PRKG1: variants seen among roughly 807,000 people sequenced by gnomAD.
PRKG1 encodes protein kinase cGMP-dependent 1.
In PRKG1, 35 loss-of-function variants were observed where a neutral mutation model predicts 88.1. The observed-to-expected ratio is 0.40, with a 90% CI of 0.30 to 0.53. The LOEUF is 0.53. Among genes scored for constraint, PRKG1 ranks in the 20% least tolerant of loss-of-function variants. The pLI, the probability that PRKG1 is intolerant of heterozygous loss-of-function variation, is 0.59. For synonymous variants in PRKG1, 303 were observed against 292.5 expected (o/e 1.04, Z -0.37); for missense variants, 540 against 839.8 (o/e 0.64, Z 4.41).
chr10:51,605,356 T>G (rs1323751995), intron 3 of PRKG1, among the ~76,000 whole-genome samples: 1 of 152,186 alleles, frequency 6.6e-6, no homozygotes, highest in Admixed American at 6.5e-5. Flanking sequence ...GGGGCCCTCA[T>G]TAGGGCTCCC....
intron 5 of PRKG1, among the ~76,000 whole-genome samples, chr10:52,030,189 T>C (rs1385608841): frequency 6.6e-6 from 1 of 152,192 alleles, no homozygotes; most frequent in Non-Finnish European, 1.5e-5. Context: ...TTAGTAATAC[T>C]GAGAAGTTTG....
intron 7 of PRKG1, among the ~76,000 whole-genome samples, chr10:52,084,653 T>C (rs1846866079): frequency 6.6e-6 from 1 of 152,082 alleles, no homozygotes; most frequent in Non-Finnish European, 1.5e-5. Flanking sequence ...TTCTCCCTAA[T>C]GTCCCAATAT....
chr10:51,715,365 G>A (rs1841860500), intron 3 of PRKG1, among the ~76,000 whole-genome samples: 1 of 152,130 alleles, frequency 6.6e-6, no homozygotes, highest in South Asian at 2.1e-4. Flanking sequence ...ATAGAATGAA[G>A]ATACCTGGGT....
chr10:51,590,550 G>C (rs763331825), intron 3 of PRKG1, among the ~76,000 whole-genome samples: 23 of 151,960 alleles, frequency 1.5e-4, no homozygotes, highest in Admixed American at 5.9e-4. Context: ...CAAGAAAAAA[G>C]GTTCCTCTTT....
chr10:51,456,819 C>T (rs1449982622), intron 2 of PRKG1, among the ~76,000 whole-genome samples: 2 of 152,016 alleles, frequency 1.3e-5, no homozygotes, highest in Middle Eastern at 3.2e-3. Context: ...TACACTCTGC[C>T]AACAAACATG....
chr10:52,156,797 G>A (rs1838118833), intron 8 of PRKG1, among the ~76,000 whole-genome samples: 1 of 151,728 alleles, frequency 6.6e-6, no homozygotes, highest in Non-Finnish European at 1.5e-5. Flanking sequence ...GCTTAGCTAA[G>A]TAAAACGTCT....
intron 2 of PRKG1, among the ~76,000 whole-genome samples, chr10:51,281,982 C>A (rs936898198): frequency 3.9e-5 from 6 of 152,156 alleles, no homozygotes; most frequent in African/African-American, 1.4e-4. Context: ...ATATGTTTAA[C>A]AATCTCCCCA....
chr10:51,788,922 C>A (rs1042477309), intron 3 of PRKG1, among the ~76,000 whole-genome samples: 1 of 152,076 alleles, frequency 6.6e-6, no homozygotes, highest in African/African-American at 2.4e-5. Context: ...TGGCTTCTGG[C>A]ATATGTACAC....
At chr10:51,951,557 T>C (rs941210301) in intron 5 of PRKG1, among the ~76,000 whole-genome samples, 22 of 152,212 alleles carry the variant, frequency 1.4e-4, no homozygotes, top group Non-Finnish European at 3.1e-4. Flanking sequence ...TATTTTCACT[T>C]ATGAGTTTAT....
At chr10:51,986,867 C>T (rs12257861) in intron 5 of PRKG1, among the ~76,000 whole-genome samples, 31,748 of 152,072 alleles carry the variant, frequency 0.21, 3,978 homozygotes, top group Non-Finnish European at 0.28. Context: ...GGAAAAAATA[C>T]GCTTCTATCT....
chr10:52,206,632 G>A (rs1839826684), intron 9 of PRKG1, among the ~76,000 whole-genome samples: 1 of 152,180 alleles, frequency 6.6e-6, no homozygotes, highest in Non-Finnish European at 1.5e-5. Context: ...TTTAATCGTG[G>A]TATAAGATGG....
intron 3 of PRKG1, among the ~76,000 whole-genome samples, chr10:51,578,499 C>T (rs886887660): frequency 1.2e-4 from 19 of 152,170 alleles, no homozygotes; most frequent in African/African-American, 4.3e-4. Context: ...TATAGAGAAA[C>T]AACCTATAAT....
intron 3 of PRKG1, among the ~76,000 whole-genome samples, chr10:51,737,334 C>T (rs1339077805): frequency 6.6e-6 from 1 of 152,200 alleles, no homozygotes; most frequent in Middle Eastern, 3.2e-3. Context: ...TTCTAAAGAG[C>T]GTGTCTCTGC....
chr10:51,272,504 G>GT lies in PRKG1; in HGVS notation c.478+119185dup, dbSNP rs77396027. 9.5e-3 allele frequency among the ~76,000 whole-genome samples: 1,391 copies of GT among 146,486 alleles called. 7 individuals are homozygous for GT. Among genetic ancestry groups the GT allele is most frequent in the East Asian group, 0.026 (133 of 5,032 alleles). ...CATGTATCCCAGAACTTAAAGTTTT[G>GT]TTTTTTTTTTTAAGTAGTTTGGGTT... On this transcript the variant is annotated intron_variant, in intron 2 of 17. Coordinates refer to ENST00000373980, the MANE Select transcript of PRKG1 (RefSeq NM_006258.4).
intron 3 of PRKG1, among the ~76,000 whole-genome samples, chr10:51,526,161 T>C (rs1296150116): frequency 6.6e-6 from 1 of 152,132 alleles, no homozygotes; most frequent in African/African-American, 2.4e-5. Context: ...TTAGCTTTAA[T>C]TGAGGGGTGC....
At chr10:52,181,096 G>A (rs1839013365) in intron 9 of PRKG1, among the ~76,000 whole-genome samples, 1 of 152,188 alleles carries the variant, frequency 6.6e-6, no homozygotes, top group Non-Finnish European at 1.5e-5. Context: ...ACAGTTGCTT[G>A]TCCAACCTGG....
rs1842379728 is a variant in PRKG1, at chr10:52,296,242, C to T, written c.*2342C>T. ...TTAGCACTTGCTATGGATTTTGGAA[C>T]TATGGTTCAAGTCTAAGACAACCAA... On this transcript the variant is annotated 3_prime_UTR_variant, in exon 18 of 18. Coordinates refer to ENST00000373980, the MANE Select transcript of PRKG1 (RefSeq NM_006258.4). The T allele has an allele frequency of 1.3e-5, 2 of 152,034 alleles. No homozygotes were observed. Among genetic ancestry groups the T allele is most frequent in the Admixed American group, 1.3e-4 (2 of 15,246 alleles). The allele number at this position is 152,034 out of a possible 1,614,324, so 9.4% of individuals were successfully genotyped here.
chr10:52,002,109 G>C (rs180720155), intron 5 of PRKG1, among the ~76,000 whole-genome samples: 1 of 152,120 alleles, frequency 6.6e-6, no homozygotes, highest in Admixed American at 6.5e-5. Context: ...CTACATTTGT[G>C]ATCAATTATT....
At chr10:51,894,066 G>T (rs1307738490) in intron 4 of PRKG1, among the ~76,000 whole-genome samples, 2 of 152,114 alleles carry the variant, frequency 1.3e-5, no homozygotes, top group Admixed American at 1.3e-4. Flanking sequence ...TTTTGAAGAA[G>T]TTTCTACAAA....
Sources: gnomAD v4.1 joint callset for allele counts (sites outside exome capture counted in the v4.1 genomes callset) on GRCh38, gnomAD v4.1.1 for gene constraint, MANE v1.5 for transcripts, NCBI Gene and HGNC (gene_info 2026-07-23, HGNC 2026-07-21) for gene names.